The following ANO4 variants were observed in gnomAD, a reference collection of about 807,000 sequenced individuals.
ANO4 encodes anoctamin-4.
In ANO4, 69 loss-of-function variants were observed where a neutral mutation model predicts 141.9. That is an observed-to-expected ratio of 0.49 (90% confidence interval 0.40 to 0.59). The LOEUF (loss-of-function observed/expected upper bound fraction) is 0.59. Among genes scored for constraint, ANO4 ranks in the 20% least tolerant of loss-of-function variants. ANO4 has a pLI of 0.00. For missense variants in ANO4, 894 were observed against 1,162.2 expected (o/e 0.77, Z 3.36); for synonymous variants, 350 against 394.3 (o/e 0.89, Z 1.33).
At chr12:100,762,972 G>GTTTC (rs2032938848) in intron 3 of ANO4, among the ~76,000 whole-genome samples, 1 of 152,140 alleles carries the variant, frequency 6.6e-6, no homozygotes, top group Non-Finnish European at 1.5e-5. Flanking sequence ...TGAAGTACTA[G>GTTTC]ATGAGATATT....
Position 100,941,688 on chromosome 12 carries a change from G to T in ANO4, c.298-689G>T, listed in dbSNP as rs144192295. ...ACATGTCTCCTACTTGCCTTATCAA[G>T]AATTTTTTCTCTAGGCTTACATGTT... On this transcript the variant is annotated intron_variant, in intron 4 of 27. Transcript: ENST00000392977. 4.2e-3 allele frequency among the ~76,000 whole-genome samples: 638 copies of T among 151,978 alleles called. 5 individuals are homozygous for T. Among genetic ancestry groups the T allele is most frequent in the African/African-American group, 0.015 (613 of 41,448 alleles).
At chr12:101,078,360 T>C (rs1219661816) in intron 14 of ANO4, among the ~76,000 whole-genome samples, 1 of 151,848 alleles carries the variant, frequency 6.6e-6, no homozygotes, top group Non-Finnish European at 1.5e-5. Flanking sequence ...TGTGTGTGTG[T>C]GTGCCCCTGT....
intron 7 of ANO4, among the ~76,000 whole-genome samples, chr12:100,982,292 T>C (rs1444913501): frequency 6.6e-6 from 1 of 152,200 alleles, no homozygotes; most frequent in East Asian, 1.9e-4. Context: ...AAGCCAATGT[T>C]TTCTCTTTTC....
intron 8 of ANO4, among the ~76,000 whole-genome samples, chr12:101,004,087 T>G (rs544499346): frequency 6.6e-6 from 1 of 152,078 alleles, no homozygotes; most frequent in East Asian, 1.9e-4. Flanking sequence ...ATCCCTATAC[T>G]ACTTAGGTTC....
intron 2 of ANO4, among the ~76,000 whole-genome samples, chr12:100,918,258 T>C (rs954003313): frequency 5.3e-5 from 8 of 152,160 alleles, no homozygotes; most frequent in African/African-American, 1.7e-4. Flanking sequence ...GCCTAGGAGG[T>C]TGAGGTTGCA....
chr12:101,048,037 C>T lies in ANO4; in HGVS notation c.1252-304C>T, dbSNP rs144974787. On this transcript the variant is annotated intron_variant, in intron 13 of 27. Transcript: ENST00000392977. ...ATAACTATATCCATACACATATGTA[C>T]GTGTATAAGAGTTTTGTTGTGCACA... is the stretch of plus-strand genomic sequence containing the variant. The T allele has an allele frequency of 7.0e-5, 79 of 1,131,762 alleles. No homozygotes were observed. In the East Asian group the frequency reaches 7.1e-4, roughly 10 times the overall value. The allele number at this position is 1,131,762 out of a possible 1,614,324, so 70.1% of individuals were successfully genotyped here.
At chr12:100,996,474 C>G (rs1471978618) in intron 8 of ANO4, among the ~76,000 whole-genome samples, 1 of 152,118 alleles carries the variant, frequency 6.6e-6, no homozygotes, top group Non-Finnish European at 1.5e-5. Context: ...CACCTGAGGT[C>G]AGGAGTTTGA....
intron 3 of ANO4, among the ~76,000 whole-genome samples, chr12:100,774,428 C>T (rs1593307278): frequency 2.6e-5 from 4 of 152,050 alleles, no homozygotes; most frequent in East Asian, 1.9e-4. Flanking sequence ...TGGGGTGTAA[C>T]TAATTGAATA....
intron 3 of ANO4, among the ~76,000 whole-genome samples, chr12:100,782,608 G>A (rs1034216544): frequency 3.3e-5 from 5 of 151,986 alleles, no homozygotes; most frequent in African/African-American, 4.8e-5. Context: ...CTGCTTTTTC[G>A]TCACCAGTTG....
intron 3 of ANO4, among the ~76,000 whole-genome samples, chr12:100,778,147 C>A (rs528395643): frequency 8.5e-5 from 13 of 152,110 alleles, no homozygotes; most frequent in Admixed American, 2.6e-4. Context: ...TCTCGATCTC[C>A]TGACCTCGTG....
At chr12:101,086,599 T>C (rs2049510320) in intron 16 of ANO4, 61 bp from the exon 17 acceptor site, 3 of 1,585,560 alleles carry the variant, frequency 1.9e-6, no homozygotes, top group Non-Finnish European at 2.6e-6. Flanking sequence ...TCCAGGAATG[T>C]GAATCCTCTT....
At chr12:101,032,031 C>T (rs900431128) in intron 9 of ANO4, among the ~76,000 whole-genome samples, 1 of 152,182 alleles carries the variant, frequency 6.6e-6, no homozygotes, top group African/African-American at 2.4e-5. Context: ...AGATTCAATG[C>T]TATTCCCATC....
rs1385403286 is a variant in ANO4, at chr12:100,922,284, A to G, written c.114A>G (p.Pro38=). 2 of 1,533,510 alleles carry G rather than the reference A, an allele frequency of 1.3e-6. No individual in the cohort carries two copies. Among genetic ancestry groups the G allele is most frequent in the Non-Finnish European group, 1.7e-6 (2 of 1,146,082 alleles). The allele number at this position is 1,533,510 out of a possible 1,614,324, so 95.0% of individuals were successfully genotyped here. ...ATATGCAAATACTACCTGACGGGCC[A>G]AAGAGTGATGTGGACTTTTCAGAGA... ...QLDMQILPDG[P]KSDVDFSEIL... The change falls in exon 3 of 28, where the codon CCA becomes CCG. Residue 38 remains proline, a synonymous_variant. Transcript: ENST00000392977.
At chr12:100,908,172 A>C (rs1463613791) in intron 2 of ANO4, among the ~76,000 whole-genome samples, 2 of 152,116 alleles carry the variant, frequency 1.3e-5, no homozygotes, top group Non-Finnish European at 2.9e-5. Flanking sequence ...CCAGGTGGAG[A>C]AACCCTCTCT....
intron 1 of ANO4, among the ~76,000 whole-genome samples, chr12:100,895,446 CAGAG>C (rs373068473): frequency 5.9e-5 from 9 of 151,856 alleles, no homozygotes; most frequent in African/African-American, 1.9e-4. Context: ...GGAAGTGGGC[CAGAG>C]AGAAAGAACA....
intron 25 of ANO4, among the ~76,000 whole-genome samples, chr12:101,119,663 G>T (rs918184567): frequency 6.6e-6 from 1 of 151,992 alleles, no homozygotes; most frequent in Non-Finnish European, 1.5e-5. Context: ...TTTCTATAAA[G>T]TTCAAAAACA....
chr12:100,863,227 A>G (rs913725221), intron 1 of ANO4, among the ~76,000 whole-genome samples: 7 of 152,114 alleles, frequency 4.6e-5, no homozygotes, highest in Admixed American at 3.9e-4. Context: ...GGTCAGTGTT[A>G]TTTAGTCTTT....
At chr12:100,782,819 C>T (rs562473536) in intron 3 of ANO4, among the ~76,000 whole-genome samples, 1 of 152,174 alleles carries the variant, frequency 6.6e-6, no homozygotes, top group African/African-American at 2.4e-5. Flanking sequence ...CTGAGGCTTT[C>T]TCTTTCCCAC....
intron 14 of ANO4, among the ~76,000 whole-genome samples, chr12:101,052,234 G>A (rs1348419426): frequency 1.3e-5 from 2 of 152,186 alleles, no homozygotes; most frequent in African/African-American, 4.8e-5. Flanking sequence ...TCACGTCTGT[G>A]TGAGTGCAGG....
Sources: gnomAD v4.1 joint callset for allele counts (sites outside exome capture counted in the v4.1 genomes callset) on GRCh38, gnomAD v4.1.1 for gene constraint, MANE v1.5 for transcripts, NCBI Gene and HGNC (gene_info 2026-07-23, HGNC 2026-07-21) for gene names.